The following DOK5 variants were observed in gnomAD, a reference collection of about 807,000 sequenced individuals.
The protein encoded by DOK5 is docking protein 5, also known as downstream of tyrosine kinase 5.
A neutral mutation model predicts 43.3 loss-of-function variants in DOK5; 27 were observed. That is an observed-to-expected ratio of 0.62 (90% CI 0.46 to 0.86). The LOEUF is 0.86. Among genes scored for constraint, DOK5 ranks in the 40% least tolerant of loss-of-function variants. The probability of loss-of-function intolerance (pLI) is 0.00; values close to 1 mark genes in which losing one functional copy is unlikely to be tolerated. For missense variants in DOK5, 373 were observed against 392.9 expected (o/e 0.95, Z 0.43); for synonymous variants, 146 against 140.1 (o/e 1.04, Z -0.30).
chr20:54,527,888 T>C (rs1001759569), intron 1 of DOK5, among the ~76,000 whole-genome samples: 2 of 152,178 alleles, frequency 1.3e-5, no homozygotes, highest in African/African-American at 4.8e-5. Context: ...AATACATAGT[T>C]GATGCGATCC....
intron 6 of DOK5, among the ~76,000 whole-genome samples, chr20:54,614,016 G>A (rs992126223): frequency 6.7e-6 from 1 of 148,504 alleles, no homozygotes; most frequent in African/African-American, 2.5e-5. Flanking sequence ...ATATATATAT[G>A]GTTATATATA....
At chr20:54,501,848 T>C (rs77903133) in intron 1 of DOK5, among the ~76,000 whole-genome samples, 3,291 of 152,326 alleles carry the variant, frequency 0.022, 131 homozygotes, top group African/African-American at 0.076. Flanking sequence ...TTTAGTTCAT[T>C]TGTTCTGAAA....
rs1260394664 is a variant in DOK5 at position 54,575,524 on chromosome 20, TC to T, written c.175-12957del. Among the ~76,000 whole-genome samples the T allele has an allele frequency of 1.2e-4, 18 of 152,326 alleles. 1 individual carries two copies. The highest frequency in any genetic ancestry group is 3.8e-4 in the African/African-American group (16 of 41,578). ...GGTGCCATCTCAGCTCACTGCAACC[TC>T]CACTTCCCAGGTTCAAGTGATTATC... On this transcript the variant is annotated intron_variant, in intron 2 of 7. Coordinates refer to ENST00000262593, the MANE Select transcript of DOK5 (RefSeq NM_018431.5).
intron 1 of DOK5, among the ~76,000 whole-genome samples, chr20:54,504,771 G>A (rs1982744350): frequency 6.6e-6 from 1 of 152,266 alleles, no homozygotes; most frequent in Non-Finnish European, 1.5e-5. Flanking sequence ...CCTGTCATGG[G>A]CACACATCAA....
At chr20:54,611,567 TA>T (rs200767197) in intron 6 of DOK5, among the ~76,000 whole-genome samples, 2 of 150,218 alleles carry the variant, frequency 1.3e-5, no homozygotes, top group African/African-American at 4.9e-5. Flanking sequence ...CCTAAAAATT[TA>T]AAAAAAATAA....
intron 1 of DOK5, among the ~76,000 whole-genome samples, chr20:54,530,198 G>A (rs1983721912): frequency 1.3e-5 from 2 of 152,136 alleles, no homozygotes; most frequent in Non-Finnish European, 2.9e-5. Flanking sequence ...CCTTTATTTG[G>A]TGTGTGTCTA....
At chr20:54,635,858 G>A (rs1201457580) in intron 6 of DOK5, among the ~76,000 whole-genome samples, 1 of 152,188 alleles carries the variant, frequency 6.6e-6, no homozygotes, top group African/African-American at 2.4e-5. Flanking sequence ...GACATTTTAT[G>A]TAAATGGAAT....
chr20:54,537,958 C>G (rs1015954426), intron 1 of DOK5, among the ~76,000 whole-genome samples: 3 of 150,958 alleles, frequency 2.0e-5, no homozygotes, highest in Admixed American at 2.0e-4. Flanking sequence ...CCTGCCTCAG[C>G]CTCCTGAATA....
At chr20:54,551,714 GC>G (rs1178324962) in intron 1 of DOK5, among the ~76,000 whole-genome samples, 4 of 152,030 alleles carry the variant, frequency 2.6e-5, no homozygotes, top group African/African-American at 9.7e-5. Flanking sequence ...TTTTTATATT[GC>G]TTGATGGATT....
At chr20:54,507,268 A>G (rs1982845174) in intron 1 of DOK5, among the ~76,000 whole-genome samples, 1 of 152,182 alleles carries the variant, frequency 6.6e-6, no homozygotes, top group Non-Finnish European at 1.5e-5. Flanking sequence ...ATAAAAATAT[A>G]TATGTTCTAC....
intron 5 of DOK5, among the ~76,000 whole-genome samples, chr20:54,598,330 C>T (rs1568803190): frequency 6.6e-6 from 1 of 152,120 alleles, no homozygotes; most frequent in Non-Finnish European, 1.5e-5. Context: ...TTTTCTTAGT[C>T]TTTTGTTTGT....
chr20:54,625,639 G>T (rs780496733), intron 6 of DOK5, among the ~76,000 whole-genome samples: 3 of 152,272 alleles, frequency 2.0e-5, no homozygotes, highest in Admixed American at 6.5e-5. Context: ...CTTAGTACTT[G>T]TTCCCCCTTC....
intron 1 of DOK5, among the ~76,000 whole-genome samples, chr20:54,485,753 A>G (rs1981907688): frequency 6.6e-6 from 1 of 152,220 alleles, no homozygotes; most frequent in African/African-American, 2.4e-5. Flanking sequence ...TCACAGTTGT[A>G]CCATTTTACA....
At chr20:54,520,427 A>G (rs1295224881) in intron 1 of DOK5, among the ~76,000 whole-genome samples, 1 of 151,946 alleles carries the variant, frequency 6.6e-6, no homozygotes, top group Non-Finnish European at 1.5e-5. Flanking sequence ...ACCCCTGCCC[A>G]TTTTTGATTG....
chr20:54,515,605 T>C (rs565370992), intron 1 of DOK5, among the ~76,000 whole-genome samples: 1 of 152,334 alleles, frequency 6.6e-6, no homozygotes, highest in Non-Finnish European at 1.5e-5. Context: ...TACTTTGAGA[T>C]CTTAAAACAG....
At chr20:54,508,105 A>G (rs1244556824) in intron 1 of DOK5, among the ~76,000 whole-genome samples, 1 of 152,134 alleles carries the variant, frequency 6.6e-6, no homozygotes, top group Admixed American at 6.5e-5. Context: ...CCCATGCCAA[A>G]GTTGGGTTTA....
Position 54,500,564 on chromosome 20 carries a change from T to C in DOK5, c.66+24552T>C, listed in dbSNP as rs569380947. Among the ~76,000 whole-genome samples the C allele has an allele frequency of 6.2e-5, 9 of 144,086 alleles. No homozygotes were observed. The South Asian group carries it at 1.7e-3, about 27-fold the overall frequency. 94.5% of individuals were successfully genotyped at this position (144,086 alleles called of 152,430 possible). A position where few individuals can be genotyped will look rare whatever the true frequency, so the allele number is the denominator to read the frequency against. On this transcript the variant is annotated intron_variant, in intron 1 of 7. Coordinates refer to ENST00000262593, the MANE Select transcript of DOK5 (RefSeq NM_018431.5). The stretch of plus-strand genomic sequence containing the variant: ...CAATGTCATACCCAGTGTATTTTTT[T>C]TTTTTTTTTTTTTTGAGATGGAGTT...
intron 6 of DOK5, among the ~76,000 whole-genome samples, chr20:54,639,216 T>C (rs1209998284): frequency 6.6e-6 from 1 of 152,222 alleles, no homozygotes; most frequent in African/African-American, 2.4e-5. Flanking sequence ...TCCCTCCCTA[T>C]AAAGGGGTGT....
intron 1 of DOK5, among the ~76,000 whole-genome samples, chr20:54,504,642 C>A (rs1265462217): frequency 1.3e-5 from 2 of 152,154 alleles, no homozygotes; most frequent in Non-Finnish European, 2.9e-5. Flanking sequence ...GTCATGCTAT[C>A]CTTGGCCTTA....
Sources: allele counts gnomAD v4.1 joint callset (sites outside exome capture counted in the v4.1 genomes callset), GRCh38; gene constraint gnomAD v4.1.1; transcripts MANE v1.5; gene names NCBI Gene and HGNC (gene_info 2026-07-23, HGNC 2026-07-21).